The following MTMR7 variants were observed in gnomAD, a reference collection of about 807,000 sequenced individuals.
MTMR7 encodes phosphatidylinositol-3-phosphate phosphatase MTMR7.
Under a neutral mutation model 81.2 loss-of-function variants are expected in MTMR7, and 76 were observed. That is an observed-to-expected ratio of 0.94 (90% CI 0.78 to 1.13). The LOEUF is 1.13. Among genes scored for constraint, MTMR7 ranks in the 50% most tolerant of loss-of-function variants. The pLI is 0.00. For synonymous variants in MTMR7, 372 were observed against 289.8 expected (o/e 1.28, Z -2.88); for missense variants, 1,044 against 820.0 (o/e 1.27, Z -3.34).
In MTMR7 at chr8:17,386,136, G is replaced by A. The variant is rs143344084; in HGVS notation, c.25-12896C>T. Among the ~76,000 whole-genome samples, 135 of 152,268 alleles carry A rather than the reference G, an allele frequency of 8.9e-4. No individual in the cohort carries two copies. In the Middle Eastern group the frequency reaches 0.02, roughly 23 times the overall value. ...CACACTTGTAATCCCAGCACTTTGGGAGCCTGAGGCAGGAGGACTGCTTGA... is the reference window on the plus strand; with the variant it reads ...CACACTTGTAATCCCAGCACTTTGGAAGCCTGAGGCAGGAGGACTGCTTGA... On this transcript the variant is annotated intron_variant, in intron 1 of 13. Transcript: ENST00000180173.
rs534278437 is a variant in MTMR7, at chr8:17,343,554, C to T, written c.598-2057G>A. On this transcript the variant is annotated intron_variant, in intron 5 of 13. Coordinates refer to ENST00000180173, the MANE Select transcript of MTMR7 (RefSeq NM_004686.5). ...ATTTGAGAACACACACACCAGACCT[C>T]ACTAAAGCAGTGAGACACCAACTAC... Among the ~76,000 whole-genome samples the T allele has an allele frequency of 2.8e-3, 432 of 152,270 alleles. 4 individuals are homozygous for T. The highest frequency in any genetic ancestry group is 0.01 in the Middle Eastern group (3 of 294).
chr8:17,311,127 T>G (rs1817758652), intron 9 of MTMR7, among the ~76,000 whole-genome samples: 1 of 152,190 alleles, frequency 6.6e-6, no homozygotes, highest in Non-Finnish European at 1.5e-5. Flanking sequence ...ATACACAATA[T>G]AGAAAATTTC....
intron 9 of MTMR7, 43 bp downstream of exon 9, chr8:17,311,468 G>C: frequency 1.2e-6 from 2 of 1,613,010 alleles, no homozygotes; most frequent in East Asian, 4.5e-5. Context: ...TCCATTCCTG[G>C]TCAAGGCACC....
chr8:17,323,595 G>A (rs972505248), intron 7 of MTMR7, among the ~76,000 whole-genome samples: 8 of 152,060 alleles, frequency 5.3e-5, no homozygotes, highest in African/African-American at 1.9e-4. Context: ...TGAGATGGTG[G>A]CTGCCAGTAA....
At chr8:17,356,018 T>C (rs1273170558) in intron 4 of MTMR7, among the ~76,000 whole-genome samples, 1 of 152,202 alleles carries the variant, frequency 6.6e-6, no homozygotes, top group African/African-American at 2.4e-5. Context: ...CTGCATCCAG[T>C]GGTGCTGGAG....
chr8:17,375,433 G>C (rs984985407), intron 1 of MTMR7, among the ~76,000 whole-genome samples: 1 of 150,496 alleles, frequency 6.6e-6, no homozygotes, highest in Non-Finnish European at 1.5e-5. Flanking sequence ...GTCTATGTAT[G>C]TTAAAGGCAT....
intron 1 of MTMR7, among the ~76,000 whole-genome samples, chr8:17,380,907 C>CTTTTAGAATAATATTTTAGATAATG (rs1219472035): frequency 2.6e-5 from 4 of 152,168 alleles, no homozygotes; most frequent in African/African-American, 9.7e-5. Flanking sequence ...CAATATTATT[C>CTTTTAGAATAATATTTTAGATAATG]TTTTAGATAA....
intron 13 of MTMR7, among the ~76,000 whole-genome samples, chr8:17,300,503 C>T (rs1817043525): frequency 1.3e-5 from 2 of 152,168 alleles, no homozygotes; most frequent in African/African-American, 4.8e-5. Context: ...TAGTCTCCCT[C>T]TTTTCTATAC....
chr8:17,312,215 A>G (rs1181388124), intron 8 of MTMR7, among the ~76,000 whole-genome samples: 1 of 152,224 alleles, frequency 6.6e-6, no homozygotes, highest in Non-Finnish European at 1.5e-5. Context: ...ATACGCTGGG[A>G]AACATGGGAG....
At chr8:17,331,002 TAAGTGTTTAAA>T in intron 7 of MTMR7, 137 bp downstream of exon 7, 1 of 920,308 alleles carries the variant, frequency 1.1e-6, no homozygotes, top group Non-Finnish European at 1.6e-6. Context: ...GAAACGTTCT[TAAGTGTTTAAA>T]AAGCCACTGT....
Position 17,370,467 on chromosome 8 carries a change from C to G in MTMR7, c.310+570G>C, listed in dbSNP as rs1246599230. Among the ~76,000 whole-genome samples, 4 of 143,022 alleles carry G rather than the reference C, an allele frequency of 2.8e-5. No individual in the cohort carries two copies. In the Admixed American group the frequency reaches 3.0e-4, roughly 11 times the overall value. The allele number at this position is 143,022 out of a possible 152,430, so 93.8% of individuals were successfully genotyped here. A position where few individuals can be genotyped will look rare whatever the true frequency, so the allele number is the denominator to read the frequency against. ...CCCAGGAGGCAGAGGTTGCAGTGAG[C>G]TGAGATTGCACCAGGAGGCAGAGGT... On this transcript the variant is annotated intron_variant, in intron 3 of 13. Transcript: ENST00000180173.
intron 1 of MTMR7, among the ~76,000 whole-genome samples, chr8:17,400,561 C>T (rs1451913063): frequency 6.6e-6 from 1 of 152,170 alleles, no homozygotes; most frequent in Admixed American, 6.5e-5. Context: ...GCTACCTCTA[C>T]ATTATCAAGC....
chr8:17,341,694 A>G (rs1819413031), intron 5 of MTMR7, among the ~76,000 whole-genome samples, 197 bp from the exon 6 acceptor site: 1 of 152,200 alleles, frequency 6.6e-6, no homozygotes, highest in Admixed American at 6.5e-5. Context: ...CAAGCAATAC[A>G]AAGAACCTGT....
chr8:17,309,396 T>C (rs1563320350), intron 9 of MTMR7, 70 bp from the exon 10 acceptor site: 1 of 1,069,716 alleles, frequency 9.3e-7, no homozygotes, highest in South Asian at 1.3e-5. Flanking sequence ...CAACCAATAA[T>C]GTTGAGGAAT....
At chr8:17,366,754 C>G (rs576950754) in intron 3 of MTMR7, among the ~76,000 whole-genome samples, 1 of 151,892 alleles carries the variant, frequency 6.6e-6, no homozygotes, top group South Asian at 2.1e-4. Context: ...GGCGTGGTGG[C>G]GGGTGCCTGT....
At chr8:17,312,449 C>T (rs1817835635) in intron 8 of MTMR7, among the ~76,000 whole-genome samples, 1 of 152,004 alleles carries the variant, frequency 6.6e-6, no homozygotes, top group Non-Finnish European at 1.5e-5. Flanking sequence ...GTGGCGCGTG[C>T]CAGTAATTCC....
intron 3 of MTMR7, among the ~76,000 whole-genome samples, chr8:17,363,846 G>T (rs962477513): frequency 4.7e-5 from 7 of 148,654 alleles, no homozygotes; most frequent in African/African-American, 1.2e-4. Flanking sequence ...TGTTCTTTTC[G>T]TTCTCTACTT....
intron 4 of MTMR7, among the ~76,000 whole-genome samples, chr8:17,360,360 A>G (rs1563357220): frequency 1.3e-5 from 2 of 152,140 alleles, no homozygotes; most frequent in African/African-American, 4.8e-5. Flanking sequence ...CCAATTTTCA[A>G]TAATGAATAT....
chr8:17,347,416 A>G (rs572991847), intron 5 of MTMR7, among the ~76,000 whole-genome samples: 3 of 152,140 alleles, frequency 2.0e-5, no homozygotes, highest in Non-Finnish European at 4.4e-5. Flanking sequence ...AGAGAGGGCT[A>G]TGTGCTCACT....
Sources: gnomAD v4.1 joint callset for allele counts (sites outside exome capture counted in the v4.1 genomes callset) on GRCh38, gnomAD v4.1.1 for gene constraint, MANE v1.5 for transcripts, NCBI Gene and HGNC (gene_info 2026-07-23, HGNC 2026-07-21) for gene names.